Variants in NKAIN2 observed in about 807,000 individuals in gnomAD.
NKAIN2 encodes sodium/potassium-transporting ATPase subunit beta-1-interacting protein 2.
NKAIN2 carries 14 observed loss-of-function variants against 32.6 expected under a neutral mutation model. That is an observed-to-expected ratio of 0.43 (90% CI 0.28 to 0.67). The LOEUF (loss-of-function observed/expected upper bound fraction) is 0.67. Among genes scored for constraint, NKAIN2 ranks in the 30% least tolerant of loss-of-function variants. The pLI is 0.17. For missense variants in NKAIN2, 198 were observed against 258.3 expected (o/e 0.77, Z 1.60); for synonymous variants, 80 against 87.2 (o/e 0.92, Z 0.46).
At chr6:124,627,763 G>A (rs1224625674) in intron 3 of NKAIN2, among the ~76,000 whole-genome samples, 1 of 152,028 alleles carries the variant, frequency 6.6e-6, no homozygotes, top group Non-Finnish European at 1.5e-5. Flanking sequence ...TTCAGCTTTA[G>A]TGCCCCATGA....
chr6:124,544,665 G>GA (rs534500122), intron 3 of NKAIN2, among the ~76,000 whole-genome samples: 53 of 143,364 alleles, frequency 3.7e-4, no homozygotes, highest in Middle Eastern at 3.6e-3. Context: ...ACACTGGGAG[G>GA]AAAAAAAAAA....
intron 5 of NKAIN2, among the ~76,000 whole-genome samples, chr6:124,803,260 AATT>A (rs1292116610): frequency 6.6e-6 from 1 of 152,164 alleles, no homozygotes; most frequent in African/African-American, 2.4e-5. Context: ...CTGTACAGGC[AATT>A]ATTCTTTTGT....
intron 1 of NKAIN2, among the ~76,000 whole-genome samples, chr6:124,104,632 T>C (rs1373651420): frequency 1.3e-5 from 2 of 152,210 alleles, no homozygotes; most frequent in African/African-American, 4.8e-5. Context: ...ATTTTGGTGT[T>C]TTAAAAGCAT....
At chr6:124,801,984 T>C (rs931347722) in intron 5 of NKAIN2, among the ~76,000 whole-genome samples, 3 of 152,206 alleles carry the variant, frequency 2.0e-5, no homozygotes, top group African/African-American at 7.2e-5. Context: ...GTTTCAGCTT[T>C]CCCAAATACC....
At chr6:124,238,498 G>A (rs1792896657) in intron 1 of NKAIN2, among the ~76,000 whole-genome samples, 1 of 152,002 alleles carries the variant, frequency 6.6e-6, no homozygotes, top group Non-Finnish European at 1.5e-5. Context: ...ATAAAAGGAG[G>A]TTTTTAAATA....
intron 3 of NKAIN2, among the ~76,000 whole-genome samples, chr6:124,441,373 G>T (rs1236972660): frequency 2.0e-5 from 3 of 152,038 alleles, no homozygotes; most frequent in Admixed American, 2.0e-4. Flanking sequence ...CCAAAAAGTG[G>T]ACTTTAATAT....
At chr6:124,566,638 TC>T (rs1350385128) in intron 3 of NKAIN2, among the ~76,000 whole-genome samples, 1 of 152,154 alleles carries the variant, frequency 6.6e-6, no homozygotes, top group African/African-American at 2.4e-5. Flanking sequence ...ATTTTGGTAC[TC>T]AAAAAGTCTG....
intron 2 of NKAIN2, among the ~76,000 whole-genome samples, chr6:124,338,315 A>G (rs1797966151): frequency 6.6e-6 from 1 of 152,238 alleles, no homozygotes; most frequent in Non-Finnish European, 1.5e-5. Flanking sequence ...ATATTAAACA[A>G]TTAGTAATTT....
At chr6:124,225,965 A>T (rs907530677) in intron 1 of NKAIN2, among the ~76,000 whole-genome samples, 9 of 152,010 alleles carry the variant, frequency 5.9e-5, no homozygotes, top group Admixed American at 2.0e-4. Context: ...AAAGCAACAG[A>T]TAGGGAGACA....
At chr6:124,694,851 G>A (rs193090283) in intron 4 of NKAIN2, among the ~76,000 whole-genome samples, 4 of 152,228 alleles carry the variant, frequency 2.6e-5, no homozygotes, top group African/African-American at 7.2e-5. Flanking sequence ...TATTTGCACA[G>A]TCAGCTAAGA....
At chr6:124,588,240 T>A (rs1278738202) in intron 3 of NKAIN2, among the ~76,000 whole-genome samples, 1 of 152,210 alleles carries the variant, frequency 6.6e-6, no homozygotes, top group Non-Finnish European at 1.5e-5. Flanking sequence ...GATATGACGA[T>A]GTGTACACAT....
chr6:124,630,753 A>G (rs1465583402), intron 3 of NKAIN2, among the ~76,000 whole-genome samples: 1 of 151,954 alleles, frequency 6.6e-6, no homozygotes, highest in South Asian at 2.1e-4. Flanking sequence ...AATGATTAAC[A>G]TGGACTCAAC....
intron 3 of NKAIN2, among the ~76,000 whole-genome samples, chr6:124,387,762 C>T (rs1251785880): frequency 6.6e-6 from 1 of 152,048 alleles, no homozygotes; most frequent in East Asian, 1.9e-4. Context: ...GCTATGACCT[C>T]AGAGAAAAGT....
chr6:124,561,596 T>C (rs573696611), intron 3 of NKAIN2, among the ~76,000 whole-genome samples: 1 of 152,366 alleles, frequency 6.6e-6, no homozygotes, highest in South Asian at 2.1e-4. Context: ...AGATGTATTG[T>C]TTTCTTTCCT....
intron 1 of NKAIN2, among the ~76,000 whole-genome samples, chr6:124,036,798 A>G (rs1438378375): frequency 6.6e-6 from 1 of 152,092 alleles, no homozygotes; most frequent in Non-Finnish European, 1.5e-5. Flanking sequence ...AAAACTGCTA[A>G]TGAAAGCATT....
At chr6:124,257,244 T>C (rs901705318) in intron 1 of NKAIN2, among the ~76,000 whole-genome samples, 74 of 152,232 alleles carry the variant, frequency 4.9e-4, no homozygotes, top group African/African-American at 1.6e-3. Flanking sequence ...TGGGAATCTC[T>C]AGCTTCAAGC....
intron 1 of NKAIN2, among the ~76,000 whole-genome samples, chr6:124,231,729 C>A (rs1052450679): frequency 6.6e-6 from 1 of 152,102 alleles, no homozygotes; most frequent in African/African-American, 2.4e-5. Context: ...GAGGCCTCCC[C>A]AGCCATATGG....
chr6:124,152,252 C>T lies in NKAIN2; in HGVS notation c.55-130753C>T, dbSNP rs570258986. ...TGTTGTGACACATTTGTCGTAATCA[C>T]AGTTAATAATAATTGTAAAAGTCAA... On this transcript the variant is annotated intron_variant, in intron 1 of 6. Coordinates refer to ENST00000368417, the MANE Select transcript of NKAIN2 (RefSeq NM_001040214.3). 3.9e-5 allele frequency among the ~76,000 whole-genome samples: 6 copies of T among 152,026 alleles called. 1 individual carries two copies. Among genetic ancestry groups the T allele is most frequent in the African/African-American group, 1.4e-4 (6 of 41,556 alleles).
intron 1 of NKAIN2, among the ~76,000 whole-genome samples, chr6:124,120,275 G>A (rs1785816875): frequency 1.3e-5 from 2 of 152,092 alleles, no homozygotes; most frequent in African/African-American, 4.8e-5. Context: ...TGGAAACAAT[G>A]CTCTTTAAAT....
Sources: gnomAD v4.1 joint callset for allele counts (sites outside exome capture counted in the v4.1 genomes callset) on GRCh38, gnomAD v4.1.1 for gene constraint, MANE v1.5 for transcripts, NCBI Gene and HGNC (gene_info 2026-07-23, HGNC 2026-07-21) for gene names.